OTULIN: variants seen among roughly 807,000 people sequenced by gnomAD.
OTULIN encodes the protein OTU deubiquitinase with linear linkage specificity.
Under a neutral mutation model 39.6 loss-of-function variants are expected in OTULIN, and 15 were observed. The observed-to-expected ratio is 0.38, with a 90% CI of 0.25 to 0.58. The LOEUF (loss-of-function observed/expected upper bound fraction) is 0.58, where lower values mean the gene tolerates loss of function less well. Among genes scored for constraint, OTULIN ranks in the 20% least tolerant of loss-of-function variants. The pLI is 0.66. For synonymous variants in OTULIN, 156 were observed against 170.3 expected (o/e 0.92, Z 0.65); for missense variants, 319 against 445.9 (o/e 0.72, Z 2.56).
chr5:14,689,356 ATTCATAAGGAATGGTAT>A (rs1407396749), intron 5 of OTULIN, among the ~76,000 whole-genome samples: 2 of 152,208 alleles, frequency 1.3e-5, no homozygotes, highest in Non-Finnish European at 2.9e-5. Context: ...GTTATTGTTG[ATTCATAAGGAATGGTAT>A]TTATGTTGGC....
chr5:14,673,893 T>C, intron 2 of OTULIN, 175 bp downstream of exon 2: 1 of 464,528 alleles, frequency 2.2e-6, no homozygotes, highest in Non-Finnish European at 3.8e-6. Flanking sequence ...GGCTTTTAAA[T>C]TTTAATGCAA....
the OTULIN span, chr5:14,708,304 A>G: frequency 6.6e-6 from 1 of 152,316 alleles, no homozygotes; most frequent in East Asian, 1.9e-4. Flanking sequence ...ATGGCCTTGT[A>G]TTTTTAGATT....
At chr5:14,666,583 T>G (rs553037612) in intron 1 of OTULIN, among the ~76,000 whole-genome samples, 2 of 152,186 alleles carry the variant, frequency 1.3e-5, no homozygotes, top group African/African-American at 4.8e-5. Context: ...TCACTTTTTT[T>G]CCCCCCTTGG....
At chr5:14,665,048 G>T in intron 1 of OTULIN, 71 bp downstream of exon 1, 1 of 965,116 alleles carries the variant, frequency 1.0e-6, no homozygotes. Flanking sequence ...CCGGGCTGGG[G>T]TGGGGAGTCG....
At chr5:14,700,576 C>G (rs1561008596), downstream of OTULIN, among the ~76,000 whole-genome samples, 1 of 149,572 alleles carries the variant, frequency 6.7e-6, no homozygotes, top group Non-Finnish European at 1.5e-5. Flanking sequence ...CCAACCCTCC[C>G]CATCCATACC....
chr5:14,713,618 G>A, the OTULIN span: 2 of 1,614,108 alleles, frequency 1.2e-6, no homozygotes, highest in African/African-American at 1.3e-5. The surrounding 1 kb of genome is among the most constrained non-coding windows in gnomAD (Gnocchi z 4.4). Flanking sequence ...CAAGGACGAA[G>A]GTTTTCTTCA....
In OTULIN at chr5:14,678,665, T is replaced by A. The variant is rs1233900036; in HGVS notation, c.230-16T>A. On this transcript the variant is annotated splice_polypyrimidine_tract_variant and intron_variant, in intron 2 of 6. Transcript: ENST00000284274. The stretch of plus-strand genomic sequence containing the variant: ...GATTTATTATTTGCTTTTTTTTTTT[T>A]TAAATTCTTTAACAGAACCGAGATT... 7 of 1,536,760 alleles carry A rather than the reference T, an allele frequency of 4.6e-6. No individual in the cohort carries two copies. The highest frequency in any genetic ancestry group is 6.1e-6 in the Non-Finnish European group (7 of 1,140,680).
chr5:14,709,974 C>A, the OTULIN span: 1 of 152,072 alleles, frequency 6.6e-6, no homozygotes, highest in East Asian at 1.9e-4. Context: ...ATTTAGTGAA[C>A]CGTGTCTATA....
intron 3 of OTULIN, among the ~76,000 whole-genome samples, chr5:14,680,846 G>A (rs955066409): frequency 6.6e-6 from 1 of 152,180 alleles, no homozygotes; most frequent in African/African-American, 2.4e-5. Flanking sequence ...ATCATCTGAG[G>A]TCAGGAGTTC....
At chr5:14,672,036 C>CA (rs995323587) in intron 1 of OTULIN, among the ~76,000 whole-genome samples, 3 of 152,120 alleles carry the variant, frequency 2.0e-5, no homozygotes, top group Non-Finnish European at 2.9e-5. Flanking sequence ...TAAACCCTGG[C>CA]AGTCTAATTC....
chr5:14,713,762 G>A, the OTULIN span: 1 of 1,552,494 alleles, frequency 6.4e-7, no homozygotes, highest in Non-Finnish European at 8.9e-7. The surrounding 1 kb of genome is among the most constrained non-coding windows in gnomAD (Gnocchi z 4.4). Flanking sequence ...AGAGCCAGGG[G>A]CTGCCTAGGA....
chr5:14,688,536 G>A (rs1402239354), intron 5 of OTULIN, among the ~76,000 whole-genome samples: 3 of 152,222 alleles, frequency 2.0e-5, no homozygotes, highest in Non-Finnish European at 4.4e-5. Context: ...TGTTCATTTA[G>A]TGCTTTATTG....
the OTULIN span, chr5:14,710,472 A>C: frequency 6.5e-6 from 1 of 153,398 alleles, no homozygotes; most frequent in Non-Finnish European, 1.5e-5. Context: ...GCTTGCTCAG[A>C]TCTAGGAGAA....
At chr5:14,711,349 G>A in the OTULIN span, 4 of 1,549,088 alleles carry the variant, frequency 2.6e-6, no homozygotes, top group South Asian at 3.3e-5. Context: ...GGCTGTGGAT[G>A]GGGACACTGC....
chr5:14,700,953 AGT>A (rs1192685708), downstream of OTULIN, among the ~76,000 whole-genome samples: 3 of 152,258 alleles, frequency 2.0e-5, no homozygotes, highest in South Asian at 4.1e-4. Flanking sequence ...TCTGTGTGAG[AGT>A]GAAAGCTGTG....
the OTULIN span, among the ~76,000 whole-genome samples, chr5:14,713,138 A>G: frequency 6.6e-6 from 1 of 152,154 alleles, no homozygotes; most frequent in Admixed American, 6.5e-5. This position sits in a 1 kb window ranked among gnomAD's most constrained non-coding sequence, Gnocchi z 4.4. Context: ...CTAATGTGTG[A>G]GGGGAACCAG....
chr5:14,674,615 C>T (rs936132591), intron 2 of OTULIN, among the ~76,000 whole-genome samples: 4 of 151,912 alleles, frequency 2.6e-5, no homozygotes, highest in East Asian at 1.9e-4. Context: ...ATTAATCGGG[C>T]GTGGTGGTGT....
At chr5:14,714,305 T>C in the OTULIN span, among the ~76,000 whole-genome samples, 1 of 152,196 alleles carries the variant, frequency 6.6e-6, no homozygotes, top group Non-Finnish European at 1.5e-5. Flanking sequence ...ACTGGATCTC[T>C]GAGCTGCAGG....
intron 6 of OTULIN, among the ~76,000 whole-genome samples, chr5:14,692,485 C>G (rs996896218): frequency 1.3e-5 from 2 of 152,210 alleles, no homozygotes; most frequent in African/African-American, 4.8e-5. Context: ...TCCCTAATGA[C>G]TCACAACGTT....
Sources: gnomAD v4.1 joint callset for allele counts (sites outside exome capture counted in the v4.1 genomes callset) on GRCh38, gnomAD v4.1.1 for gene constraint, Gnocchi (gnomAD v3.1) non-coding constraint, MANE v1.5 for transcripts, NCBI Gene and HGNC (gene_info 2026-07-23, HGNC 2026-07-21) for gene names.